Variants in KLHDC1 observed in about 807,000 individuals in gnomAD.
KLHDC1 encodes kelch domain containing 1, also known as kelch domain-containing protein 1.
Under a neutral mutation model 68.3 loss-of-function variants are expected in KLHDC1, and 53 were observed. The ratio of observed to expected loss-of-function variants is 0.78; its 90% CI spans 0.62 to 0.98. The LOEUF is 0.98. Among genes scored for constraint, KLHDC1 ranks in the 50% least tolerant of loss-of-function variants. The pLI, the probability that KLHDC1 is intolerant of heterozygous loss-of-function variation, is 0.00. For synonymous variants in KLHDC1, 148 were observed against 159.0 expected (o/e 0.93, Z 0.52); for missense variants, 470 against 492.3 (o/e 0.95, Z 0.43).
At chr14:49,749,434 A>G (rs1292670368) in intron 12 of KLHDC1, among the ~76,000 whole-genome samples, 1 of 152,096 alleles carries the variant, frequency 6.6e-6, no homozygotes, top group Non-Finnish European at 1.5e-5. Context: ...TTGGGAGGTC[A>G]AGGCAGGTGG....
Position 49,693,306 on chromosome 14 carries a change from G to A in KLHDC1, c.96+16G>A. ...GGGCTACGTGGTAAGGGGAAGAGGC[G>A]GGACGGGGTAGACTCGCGCCGGGAG... is the stretch of plus-strand genomic sequence containing the variant. On this transcript the variant is annotated intron_variant, in intron 1 of 12. Coordinates refer to ENST00000359332, the MANE Select transcript of KLHDC1 (RefSeq NM_172193.3). 1 of 1,503,206 alleles carries A rather than the reference G, an allele frequency of 6.7e-7. No individual in the cohort carries two copies. Among genetic ancestry groups the A allele is most frequent in the South Asian group, 1.3e-5 (1 of 78,254 alleles). 93.1% of individuals were successfully genotyped at this position (1,503,206 alleles called of 1,614,324 possible).
rs1208563309 is a variant in KLHDC1 at position 49,744,120 on chromosome 14, A to C, written c.1034+315A>C. Among the ~76,000 whole-genome samples the C allele has an allele frequency of 1.1e-4, 3 of 26,136 alleles. No homozygotes were observed. The Non-Finnish European group carries it at 3.9e-3, about 34-fold the overall frequency. 17.1% of individuals were successfully genotyped at this position (26,136 alleles called of 152,430 possible). On this transcript the variant is annotated intron_variant, in intron 12 of 12. Transcript: ENST00000359332. The stretch of plus-strand genomic sequence containing the variant: ...GTAACATTGTGAAACCCACGACTCT[A>C]CAAAAAAAAAAAAGTAGCTGGCATG...
chr14:49,710,233 G>A, intron 3 of KLHDC1, 30 bp from the exon 4 acceptor site: 1 of 1,149,550 alleles, frequency 8.7e-7, no homozygotes, highest in East Asian at 2.4e-5. Flanking sequence ...TAAATGCCCT[G>A]TCTGCTAATA....
intron 11 of KLHDC1, among the ~76,000 whole-genome samples, chr14:49,740,892 C>T (rs1425353356): frequency 3.9e-5 from 6 of 151,928 alleles, no homozygotes; most frequent in South Asian, 2.1e-4. Context: ...GCCAGGAGTT[C>T]GAGACCAGCC....
At position 49,708,551 on chromosome 14, in the gene KLHDC1, A is replaced by G. The variant is rs956998843; in HGVS notation, c.97-608A>G. 5 of 152,302 alleles carry G rather than the reference A, an allele frequency of 3.3e-5. No individual in the cohort carries two copies. In the East Asian group the frequency reaches 7.7e-4, roughly 23 times the overall value. The allele number at this position is 152,302 out of a possible 1,614,324, so 9.4% of individuals were successfully genotyped here. ...CAAGAATGTCAGAATGTGCTATTCT[A>G]TTTGTGATCAGCTTCTTTAGAGATT... On this transcript the variant is annotated intron_variant, in intron 1 of 12. Coordinates refer to ENST00000359332, the MANE Select transcript of KLHDC1 (RefSeq NM_172193.3).
intron 4 of KLHDC1, among the ~76,000 whole-genome samples, chr14:49,710,757 C>T (rs1240244670): frequency 6.6e-6 from 1 of 152,026 alleles, no homozygotes; most frequent in Non-Finnish European, 1.5e-5. Context: ...GTTTTTAATC[C>T]TTCTGTTCCA....
chr14:49,739,310 T>C (rs1178408126), intron 10 of KLHDC1, among the ~76,000 whole-genome samples: 1 of 152,148 alleles, frequency 6.6e-6, no homozygotes, highest in African/African-American at 2.4e-5. Context: ...AGAATTAAGA[T>C]TTGTGGGAAA....
At chr14:49,749,083 G>A (rs1475211148) in intron 12 of KLHDC1, among the ~76,000 whole-genome samples, 2 of 151,998 alleles carry the variant, frequency 1.3e-5, no homozygotes, top group African/African-American at 4.8e-5. Context: ...ACAGGCGTGA[G>A]CCACCCCGCC....
rs1454402024 is a variant in KLHDC1 at position 49,752,344 on chromosome 14, T to C, written c.*572T>C. Reference sequence around the variant, plus strand: ...AAGTATTCTTAGGCATCATCATAACTTTTCCTCACCTTTATTCGAATAGAG... The same window carrying C: ...AAGTATTCTTAGGCATCATCATAACCTTTCCTCACCTTTATTCGAATAGAG... On this transcript the variant is annotated 3_prime_UTR_variant, in exon 13 of 13. Coordinates refer to ENST00000359332, the MANE Select transcript of KLHDC1 (RefSeq NM_172193.3). 6.6e-6 allele frequency: 1 copy of C among 152,504 alleles called. No individual in the cohort carries two copies. Among genetic ancestry groups the C allele is most frequent in the Non-Finnish European group, 1.5e-5 (1 of 67,936 alleles). The allele number at this position is 152,504 out of a possible 1,614,324, so 9.4% of individuals were successfully genotyped here.
chr14:49,740,431 A>G (rs7145999), intron 11 of KLHDC1, among the ~76,000 whole-genome samples: 151,930 of 152,146 alleles, frequency 1, 75,857 homozygotes, highest in Middle Eastern at 1. Context: ...TCTGCCTCCC[A>G]GGTTCACACC....
chr14:49,719,538 C>G (rs1478277366), intron 4 of KLHDC1, among the ~76,000 whole-genome samples: 1 of 151,848 alleles, frequency 6.6e-6, no homozygotes, highest in Non-Finnish European at 1.5e-5. Context: ...AAGTGATACT[C>G]CTGCCTCAGC....
At chr14:49,722,772 G>A (rs984222668) in intron 4 of KLHDC1, among the ~76,000 whole-genome samples, 4 of 151,326 alleles carry the variant, frequency 2.6e-5, no homozygotes, top group Non-Finnish European at 4.4e-5. Flanking sequence ...GAGAGCTTGT[G>A]GAGGGAAGCT....
chr14:49,695,144 G>GTGTGTGTGTT (rs1485169017), intron 1 of KLHDC1, among the ~76,000 whole-genome samples: 1 of 151,678 alleles, frequency 6.6e-6, no homozygotes, highest in African/African-American at 2.4e-5. Context: ...GTGTGTGTGT[G>GTGTGTGTGTT]TGTGTTTTGA....
intron 4 of KLHDC1, among the ~76,000 whole-genome samples, chr14:49,719,815 T>TTTA (rs1277486681): frequency 6.6e-6 from 1 of 151,656 alleles, no homozygotes. Flanking sequence ...CTTTCCTTTA[T>TTTA]TTATTATTAT....
chr14:49,703,408 T>C (rs1041697511), intron 1 of KLHDC1, among the ~76,000 whole-genome samples: 6 of 151,936 alleles, frequency 3.9e-5, no homozygotes, highest in African/African-American at 9.7e-5. Context: ...AGTGACATGA[T>C]CTTAGCTCAC....
intron 1 of KLHDC1, among the ~76,000 whole-genome samples, chr14:49,702,339 G>T (rs1490116508): frequency 6.6e-6 from 1 of 152,138 alleles, no homozygotes; most frequent in Non-Finnish European, 1.5e-5. Context: ...AAAGAGTGTG[G>T]AGAAATGAAT....
At chr14:49,709,044 G>T in intron 1 of KLHDC1, 115 bp from the exon 2 acceptor site, 1 of 539,172 alleles carries the variant, frequency 1.9e-6, no homozygotes, top group Non-Finnish European at 3.3e-6. Flanking sequence ...AAAGATCCTT[G>T]AGCCTTCTTT....
intron 12 of KLHDC1, among the ~76,000 whole-genome samples, chr14:49,746,790 C>T (rs1442180987): frequency 6.6e-6 from 1 of 152,100 alleles, no homozygotes; most frequent in Non-Finnish European, 1.5e-5. Flanking sequence ...TCTTTATGAC[C>T]TTGCTCAGCA....
chr14:49,734,844 G>T (rs968574811), intron 10 of KLHDC1, among the ~76,000 whole-genome samples, 183 bp downstream of exon 10: 6 of 151,914 alleles, frequency 3.9e-5, no homozygotes, highest in Non-Finnish European at 1.5e-5. Flanking sequence ...TGTTAGAAAT[G>T]ATCTATCCAG....
Sources: gnomAD v4.1 joint callset for allele counts (sites outside exome capture counted in the v4.1 genomes callset) on GRCh38, gnomAD v4.1.1 for gene constraint, MANE v1.5 for transcripts, NCBI Gene and HGNC (gene_info 2026-07-23, HGNC 2026-07-21) for gene names.